The following PPT2 variants were observed in gnomAD, a reference collection of about 807,000 sequenced individuals.
PPT2 encodes palmitoyl-protein thioesterase 2.
In PPT2, 20 loss-of-function variants were observed where a neutral mutation model predicts 37.3. The observed-to-expected ratio is 0.54, with a 90% CI of 0.38 to 0.78. The LOEUF (loss-of-function observed/expected upper bound fraction) is 0.78. Among genes scored for constraint, PPT2 ranks in the 30% least tolerant of loss-of-function variants. The pLI, the probability that PPT2 is intolerant of heterozygous loss-of-function variation, is 0.00. For synonymous variants in PPT2, 135 were observed against 159.1 expected (o/e 0.85, Z 1.14); for missense variants, 270 against 389.8 (o/e 0.69, Z 2.59).
chr6:32,159,724 CTT>C (rs1262133551), intron 7 of PPT2, among the ~76,000 whole-genome samples: 24 of 141,724 alleles, frequency 1.7e-4, no homozygotes, highest in Admixed American at 3.6e-4. Flanking sequence ...CTGTTTCTTC[CTT>C]TTTTTTTTTT....
In PPT2 at chr6:32,154,461, A is replaced by G; in HGVS notation, c.-9+57A>G. ...AGGGAGAGGGCTGGAGTAAGTTAAAAGTAGGCTATTTTGTGACACGGACCT... is the reference window on the plus strand; with the variant it reads ...AGGGAGAGGGCTGGAGTAAGTTAAAGGTAGGCTATTTTGTGACACGGACCT... On this transcript the variant is annotated intron_variant, in intron 1 of 8. Coordinates refer to ENST00000324816, the MANE Select transcript of PPT2 (RefSeq NM_005155.7). The surrounding 1 kb of genome is among the most constrained non-coding windows in gnomAD (Gnocchi z 7.3). 1 of 1,495,052 alleles carries G rather than the reference A, an allele frequency of 6.7e-7. No homozygotes were observed. The highest frequency in any genetic ancestry group is 1.4e-5 in the South Asian group (1 of 73,896). The allele number at this position is 1,495,052 out of a possible 1,614,324, so 92.6% of individuals were successfully genotyped here. A position where few individuals can be genotyped will look rare whatever the true frequency, so the allele number is the denominator to read the frequency against.
chr6:32,158,002 C>A, intron 7 of PPT2, 78 bp downstream of exon 7: 1 of 1,255,532 alleles, frequency 8.0e-7, no homozygotes, highest in Non-Finnish European at 1.1e-6. Flanking sequence ...CATGCCTAAA[C>A]TGGCCTGCTC....
At chr6:32,161,775 G>A (rs1025809918) in intron 7 of PPT2, among the ~76,000 whole-genome samples, 1 of 151,156 alleles carries the variant, frequency 6.6e-6, no homozygotes, top group Non-Finnish European at 1.5e-5. Flanking sequence ...GTAGAGACAG[G>A]GTTTCTCCGT....
intron 7 of PPT2, among the ~76,000 whole-genome samples, chr6:32,161,001 A>AG (rs1784119257): frequency 6.6e-6 from 1 of 151,944 alleles, no homozygotes; most frequent in South Asian, 2.1e-4. Flanking sequence ...AAAAAAAAAA[A>AG]AAGTTACCAA....
At chr6:32,159,163 G>A (rs1783977466) in intron 7 of PPT2, among the ~76,000 whole-genome samples, 1 of 151,950 alleles carries the variant, frequency 6.6e-6, no homozygotes, top group African/African-American at 2.4e-5. Flanking sequence ...GACTGGGTGT[G>A]GTGGCTCACG....
In PPT2 at chr6:32,155,584, C is replaced by CTG. The variant is rs28359849; in HGVS notation, c.338-71_338-70dup. On this transcript the variant is annotated intron_variant, in intron 3 of 8. Coordinates refer to ENST00000324816, the MANE Select transcript of PPT2 (RefSeq NM_005155.7). This position sits in a 1 kb window ranked among gnomAD's most constrained non-coding sequence, Gnocchi z 4.3. ...GTACAGTGTGTGTCTGTGTGTGTCT[C>CTG]TGTGTGTGTGTGTGTGTGTGTGTGT... 0.13 allele frequency: 86,398 copies of CTG among 690,566 alleles called. 1,272 individuals carry two copies. Among genetic ancestry groups the CTG allele is most frequent in the East Asian group, 0.25 (8,985 of 36,606 alleles). The allele number at this position is 690,566 out of a possible 1,614,324, so 42.8% of individuals were successfully genotyped here.
Position 32,156,254 on chromosome 6 carries a change from C to T in PPT2, c.541+276C>T, listed in dbSNP as rs28986319. ...CCTAGTAGCTGGGATTACAGGCAGG[C>T]GCCATCATGCCCGGCTAAGTTTTGT... On this transcript the variant is annotated intron_variant, in intron 5 of 8. Coordinates refer to ENST00000324816, the MANE Select transcript of PPT2 (RefSeq NM_005155.7). This position sits in a 1 kb window ranked among gnomAD's most constrained non-coding sequence, Gnocchi z 4.9. Among the ~76,000 whole-genome samples the T allele has an allele frequency of 2.4e-3, 360 of 152,084 alleles. 7 individuals carry two copies. The highest frequency in any genetic ancestry group is 1.1e-3 in the Non-Finnish European group (77 of 67,978).
chr6:32,161,166 C>T (rs1307697947), intron 7 of PPT2, among the ~76,000 whole-genome samples: 2 of 151,986 alleles, frequency 1.3e-5, no homozygotes, highest in Non-Finnish European at 2.9e-5. Flanking sequence ...TTCAAATTTT[C>T]CTGAATATGC....
Position 32,154,495 on chromosome 6 carries a change from A to G in PPT2, c.-9+91A>G. 1 of 1,524,512 alleles carries G rather than the reference A, an allele frequency of 6.6e-7. No individual in the cohort carries two copies. The highest frequency in any genetic ancestry group is 8.8e-7 in the Non-Finnish European group (1 of 1,134,980). The allele number at this position is 1,524,512 out of a possible 1,614,324, so 94.4% of individuals were successfully genotyped here. ...TTTTGTGACACGGACCTGGTGTGGG[A>G]GCGAGAGGAGGTGGCTTGATTGCCG... On this transcript the variant is annotated intron_variant, in intron 1 of 8. Transcript: ENST00000324816. This position sits in a 1 kb window ranked among gnomAD's most constrained non-coding sequence, Gnocchi z 7.3.
In PPT2 at chr6:32,154,729, C is replaced by T; in HGVS notation, c.135C>T (p.Leu45=). ...AGCCGGTCATCGTGGTGCATGGGCT[C>T]TTCGACAGCTCGTACAGCTTCCGCC... is the stretch of plus-strand genomic sequence containing the variant. The part of the protein sequence containing the change: ...SYKPVIVVHG[L]FDSSYSFRHL... Residue 45 remains leucine (L), a synonymous_variant, in exon 2 of 9, where the codon CTC becomes CTT. Coordinates refer to ENST00000324816, the MANE Select transcript of PPT2 (RefSeq NM_005155.7). The surrounding 1 kb of genome is among the most constrained non-coding windows in gnomAD (Gnocchi z 7.3). 2 of 1,613,148 alleles carry T rather than the reference C, an allele frequency of 1.2e-6. No individual in the cohort carries two copies. The highest frequency in any genetic ancestry group is 1.1e-5 in the South Asian group (1 of 91,082).
At chr6:32,161,322 C>G (rs1255256139) in intron 7 of PPT2, among the ~76,000 whole-genome samples, 2 of 152,108 alleles carry the variant, frequency 1.3e-5, no homozygotes, top group Non-Finnish European at 2.9e-5. Context: ...TGGAGTTTCA[C>G]TCTTGTTGCC....
In PPT2 at chr6:32,155,658, T is replaced by C; in HGVS notation, c.338-30T>C. The C allele has an allele frequency of 6.3e-7, 1 of 1,588,834 alleles. No individual in the cohort carries two copies. The highest frequency in any genetic ancestry group is 8.6e-7 in the Non-Finnish European group (1 of 1,158,190). The stretch of plus-strand genomic sequence containing the variant: ...TGCTGCTGGCTTTGCTGTCCTTAAG[T>C]GCCTGCCCAATGTGGTGTTCTGCTT... On this transcript the variant is annotated intron_variant, in intron 3 of 8. Transcript: ENST00000324816. The surrounding 1 kb of genome is among the most constrained non-coding windows in gnomAD (Gnocchi z 4.3).
At chr6:32,157,371 C>G in intron 5 of PPT2, 1 of 522,692 alleles carries the variant, frequency 1.9e-6, no homozygotes. Context: ...CACCACCACG[C>G]CTGGCTAACT....
At position 32,154,375 on chromosome 6, in the gene PPT2, A is replaced by G; in HGVS notation, c.-38A>G. 1 of 1,429,442 alleles carries G rather than the reference A, an allele frequency of 7.0e-7. No homozygotes were observed. Among genetic ancestry groups the G allele is most frequent in the Non-Finnish European group, 9.1e-7 (1 of 1,096,452 alleles). 88.5% of individuals were successfully genotyped at this position (1,429,442 alleles called of 1,614,324 possible). Reference sequence around the variant, plus strand: ...TAGAGAACAAGTCCCCCGAACGCTGAGTTGGAGGCGGGACTTCGGGTGCGC... The same window carrying G: ...TAGAGAACAAGTCCCCCGAACGCTGGGTTGGAGGCGGGACTTCGGGTGCGC... On this transcript the variant is annotated 5_prime_UTR_variant, in exon 1 of 9. Transcript: ENST00000324816. The surrounding 1 kb of genome is among the most constrained non-coding windows in gnomAD (Gnocchi z 7.3).
Position 32,163,254 on chromosome 6 carries a change from G to A in PPT2, c.*304G>A. ...TGAGAAACCATGTTTTTAACTTGTG[G>A]CTGCTTTTGCTGCTGCTGCTCCTCC... On this transcript the variant is annotated 3_prime_UTR_variant, in exon 9 of 9. Coordinates refer to ENST00000324816, the MANE Select transcript of PPT2 (RefSeq NM_005155.7). The A allele has an allele frequency of 2.6e-6, 1 of 378,850 alleles. No homozygotes were observed. The highest frequency in any genetic ancestry group is 4.7e-6 in the Non-Finnish European group (1 of 211,278). The allele number at this position is 378,850 out of a possible 1,614,324, so 23.5% of individuals were successfully genotyped here.
Position 32,155,280 on chromosome 6 carries a change from G to T in PPT2, c.337+97G>T, listed in dbSNP as rs1253563548. ...AGCGTCCCTTTTTCTGAACCACATT[G>T]CTCCAGGCACAACCCTGGTACCTGA... On this transcript the variant is annotated intron_variant, in intron 3 of 8. Transcript: ENST00000324816. This position sits in a 1 kb window ranked among gnomAD's most constrained non-coding sequence, Gnocchi z 4.3. 9.2e-6 allele frequency: 13 copies of T among 1,413,414 alleles called. No homozygotes were observed. Among genetic ancestry groups the T allele is most frequent in the Admixed American group, 2.0e-5 (1 of 51,206 alleles). 87.6% of individuals were successfully genotyped at this position (1,413,414 alleles called of 1,614,324 possible).
At position 32,154,172 on chromosome 6, in the gene PPT2, TC is replaced by T. The variant is rs1783562375; in HGVS notation, c.-235del. 9.1e-7 allele frequency: 1 copy of T among 1,095,678 alleles called. No individual in the cohort carries two copies. The highest frequency in any genetic ancestry group is 1.7e-5 in the African/African-American group (1 of 60,472). The allele number at this position is 1,095,678 out of a possible 1,614,324, so 67.9% of individuals were successfully genotyped here. ...CCCCTGCGCTCTCTTTCCTCACCCT[TC>T]CCCCCGCCACCGTGGGTTCCAGACT... On this transcript the variant is annotated 5_prime_UTR_variant, in exon 1 of 9. Coordinates refer to ENST00000324816, the MANE Select transcript of PPT2 (RefSeq NM_005155.7). The surrounding 1 kb of genome is among the most constrained non-coding windows in gnomAD (Gnocchi z 7.3).
chr6:32,160,561 C>T (rs2127394804), intron 7 of PPT2, among the ~76,000 whole-genome samples: 1 of 151,406 alleles, frequency 6.6e-6, no homozygotes, highest in African/African-American at 2.4e-5. Context: ...TCCAGCTACT[C>T]AGGAGGCTGA....
At chr6:32,154,092 G>A (rs746503404), upstream of PPT2, 204 of 1,088,246 alleles carry the variant, frequency 1.9e-4, no homozygotes, top group Admixed American at 2.6e-3. The surrounding 1 kb of genome is among the most constrained non-coding windows in gnomAD (Gnocchi z 7.3). Context: ...AGCCCCGGAC[G>A]TGACGGATTT....
Sources: gnomAD v4.1 joint callset for allele counts (sites outside exome capture counted in the v4.1 genomes callset) on GRCh38, gnomAD v4.1.1 for gene constraint, Gnocchi (gnomAD v3.1) non-coding constraint, MANE v1.5 for transcripts, NCBI Gene and HGNC (gene_info 2026-07-23, HGNC 2026-07-21) for gene names.